The following SNX18 variants were observed in gnomAD, a reference collection of about 807,000 sequenced individuals.
The protein encoded by SNX18 is sorting nexin 18, also known as sorting nexin-18.
In SNX18, 35 loss-of-function variants were observed where a neutral mutation model predicts 48.7. That is an observed-to-expected ratio of 0.72 (90% CI 0.55 to 0.95). The LOEUF is 0.95. Ranked by LOEUF, SNX18 falls within the 40% of genes least tolerant of loss-of-function variation. The probability of loss-of-function intolerance (pLI) is 0.00; values close to 1 mark genes in which losing one functional copy is unlikely to be tolerated. For missense variants in SNX18, 824 were observed against 871.0 expected (o/e 0.95, Z 0.68); for synonymous variants, 492 against 384.7 (o/e 1.28, Z -3.26).
At chr5:54,526,393 C>G (rs568686671) in intron 1 of SNX18, among the ~76,000 whole-genome samples, 5 of 152,236 alleles carry the variant, frequency 3.3e-5, no homozygotes, top group South Asian at 2.1e-4. Context: ...CAGGTGTGAG[C>G]CACCGTGCCC....
At chr5:54,647,221 G>A in the SNX18 span, among the ~76,000 whole-genome samples, 4 of 152,190 alleles carry the variant, frequency 2.6e-5, no homozygotes, top group Non-Finnish European at 5.9e-5. Context: ...CCAAATACAT[G>A]CCGAGTACTA....
At chr5:54,566,264 C>T in the SNX18 span, among the ~76,000 whole-genome samples, 42 of 152,140 alleles carry the variant, frequency 2.8e-4, no homozygotes, top group African/African-American at 9.2e-4. Context: ...AAATCCTGAC[C>T]GTCAGTTACT....
Position 54,517,781 on chromosome 5 carries a change from C to A in SNX18, c.-172C>A, listed in dbSNP as rs1217558710. On this transcript the variant is annotated 5_prime_UTR_variant, in exon 1 of 2. Coordinates refer to ENST00000381410, the MANE Select transcript of SNX18 (RefSeq NM_001102575.2). ...GGCAGTCGGCGCTGCGAAGTGGAGG[C>A]GCTGCGAGCGGAGCCGCGCGGAGGG... is the stretch of plus-strand genomic sequence containing the variant. 1.6e-5 allele frequency: 8 copies of A among 514,250 alleles called. No homozygotes were observed. The highest frequency in any genetic ancestry group is 2.3e-5 in the Non-Finnish European group (8 of 344,344). 31.9% of individuals were successfully genotyped at this position (514,250 alleles called of 1,614,324 possible). A position where few individuals can be genotyped will look rare whatever the true frequency, so the allele number is the denominator to read the frequency against.
rs751093332 is a variant in SNX18, at chr5:54,518,539, C to T, written c.587C>T (p.Ser196Phe). ...GVGAAGRYRLSTRSDLSLGSR... is the reference protein window; with the variant it reads ...GVGAAGRYRLFTRSDLSLGSR... ...GGCGCAGCCGGCCGCTACCGCCTGT[C>T]CACGCGCTCCGACCTGTCCCTGGGT... Residue 196 changes from serine to phenylalanine, a missense_variant, in exon 1 of 2, where the codon TCC (serine) becomes TTC (phenylalanine). Ser to Phe is a radical substitution (Grantham distance 155, BLOSUM62 -2). Around this residue, in one of 3 missense-constraint regions of SNX18, gnomAD observed 377 missense variants for 350.6 expected, o/e 1.08. Coordinates refer to ENST00000381410, the MANE Select transcript of SNX18 (RefSeq NM_001102575.2). 2 of 1,581,464 alleles carry T rather than the reference C, an allele frequency of 1.3e-6. No individual in the cohort carries two copies. The highest frequency in any genetic ancestry group is 1.7e-6 in the Non-Finnish European group (2 of 1,165,014).
At chr5:54,647,853 T>A in the SNX18 span, among the ~76,000 whole-genome samples, 1 of 151,050 alleles carries the variant, frequency 6.6e-6, no homozygotes, top group Non-Finnish European at 1.5e-5. Flanking sequence ...GTGAAAGGAG[T>A]AGGATCTGCA....
the SNX18 span, chr5:54,643,805 C>T: frequency 7.9e-5 from 12 of 152,166 alleles, no homozygotes; most frequent in Non-Finnish European, 1.6e-4. Flanking sequence ...TGTGAGCCAC[C>T]GACTGATACC....
chr5:54,518,677 C>A lies in SNX18; in HGVS notation c.725C>A (p.Ala242Asp). The A allele has an allele frequency of 6.4e-7, 1 of 1,566,418 alleles. No homozygotes were observed. The highest frequency in any genetic ancestry group is 8.6e-7 in the Non-Finnish European group (1 of 1,157,426). ...ACCTTCGTCAAGTCCGGCGGGGAGG[C>A]CTTCGTGCTGGGGGAGGCGTCAGGC... ...FSTFVKSGGE[A>D]FVLGEASGFV... Residue 242 changes from alanine to aspartate, a missense_variant, in exon 1 of 2, where the codon GCC (alanine) becomes GAC (aspartate). Around this residue, in one of 3 missense-constraint regions of SNX18, gnomAD observed 4 missense variants for 16.8 expected, o/e 0.24. Transcript: ENST00000381410.
chr5:54,582,482 G>T, the SNX18 span, among the ~76,000 whole-genome samples: 2 of 152,018 alleles, frequency 1.3e-5, no homozygotes, highest in African/African-American at 4.8e-5. Context: ...GTTTGGGCTG[G>T]GTGTGGTGGC....
At chr5:54,633,616 T>C in the SNX18 span, among the ~76,000 whole-genome samples, 1 of 152,226 alleles carries the variant, frequency 6.6e-6, no homozygotes, top group African/African-American at 2.4e-5. Flanking sequence ...TATAATATTA[T>C]ATACCTCATA....
At chr5:54,617,146 G>C in the SNX18 span, among the ~76,000 whole-genome samples, 1 of 152,208 alleles carries the variant, frequency 6.6e-6, no homozygotes, top group Non-Finnish European at 1.5e-5. Context: ...CACACCAGCA[G>C]TGTTCCAACT....
the SNX18 span, among the ~76,000 whole-genome samples, chr5:54,636,130 G>C: frequency 6.6e-6 from 1 of 152,142 alleles, no homozygotes; most frequent in Non-Finnish European, 1.5e-5. Context: ...CTTTGTTCTG[G>C]TCTAAGAGAT....
At chr5:54,526,230 G>A (rs924352564) in intron 1 of SNX18, among the ~76,000 whole-genome samples, 2 of 152,030 alleles carry the variant, frequency 1.3e-5, no homozygotes, top group African/African-American at 2.4e-5. Flanking sequence ...TCAGCCGCCC[G>A]AGTAACTGGG....
chr5:54,625,033 A>G, the SNX18 span, among the ~76,000 whole-genome samples: 1 of 152,118 alleles, frequency 6.6e-6, no homozygotes, highest in Non-Finnish European at 1.5e-5. Flanking sequence ...TTCCTTTTAT[A>G]TTTTGAAACT....
Position 54,519,566 on chromosome 5 carries a change from T to A in SNX18, c.1614T>A (p.Val538=). The change falls in exon 1 of 2, where the codon GTT becomes GTA. Residue 538 remains valine (V), a synonymous_variant. Coordinates refer to ENST00000381410, the MANE Select transcript of SNX18 (RefSeq NM_001102575.2). The stretch of plus-strand genomic sequence containing the variant: ...CTAACTTCCCGGACATCATCCACGT[T>A]CAGAAAGGTAAAGCCTGGCCCTTAG... The part of the protein sequence containing the change: ...HLANFPDIIH[V]QKGALTKVKE... 6.2e-7 allele frequency: 1 copy of A among 1,614,144 alleles called. No homozygotes were observed. The highest frequency in any genetic ancestry group is 1.1e-5 in the South Asian group (1 of 91,080).
At chr5:54,521,768 A>G (rs1039544468) in intron 1 of SNX18, among the ~76,000 whole-genome samples, 9 of 151,944 alleles carry the variant, frequency 5.9e-5, no homozygotes, top group African/African-American at 1.9e-4. Context: ...GTGTCTTGCT[A>G]TGTTGCCCAG....
Position 54,519,503 on chromosome 5 carries a change from C to G in SNX18, c.1551C>G (p.Pro517=), listed in dbSNP as rs151150635. 4.1e-5 allele frequency: 66 copies of G among 1,614,230 alleles called. No homozygotes were observed. In the African/African-American group the frequency reaches 7.9e-4, roughly 19 times the overall value. ...AGCAGCCCAGGCAGGACCTGGATCCCGTCATGGACCTATTAGCGCTGTATC... is the reference window on the plus strand; with the variant it reads ...AGCAGCCCAGGCAGGACCTGGATCCGGTCATGGACCTATTAGCGCTGTATC... ...FAEQPRQDLD[P]VMDLLALYQG... is the part of the protein sequence containing the mutation. The change falls in exon 1 of 2, where the codon CCC becomes CCG. Residue 517 remains proline, a synonymous_variant. Transcript: ENST00000381410.
At chr5:54,585,462 G>A in the SNX18 span, among the ~76,000 whole-genome samples, 1 of 152,174 alleles carries the variant, frequency 6.6e-6, no homozygotes, top group Non-Finnish European at 1.5e-5. Context: ...GGTGGGTTGA[G>A]AGTCACAGAG....
the SNX18 span, among the ~76,000 whole-genome samples, chr5:54,638,149 A>G: frequency 6.6e-6 from 1 of 152,274 alleles, no homozygotes; most frequent in African/African-American, 2.4e-5. Context: ...GCTTTCTTTA[A>G]CAATGGCTGC....
At chr5:54,564,721 G>A in the SNX18 span, among the ~76,000 whole-genome samples, 3 of 152,098 alleles carry the variant, frequency 2.0e-5, no homozygotes, top group East Asian at 1.9e-4. Context: ...AGCTGGGTGC[G>A]GTGGTACGTG....
Sources: allele counts gnomAD v4.1 joint callset (sites outside exome capture counted in the v4.1 genomes callset), GRCh38; gene constraint gnomAD v4.1.1; regional missense constraint gnomAD v4.1.1; transcripts MANE v1.5; gene names NCBI Gene and HGNC (gene_info 2026-07-23, HGNC 2026-07-21).